Variants in CPEB3 observed in about 807,000 individuals in gnomAD.
CPEB3 encodes cytoplasmic polyadenylation element binding protein 3.
In CPEB3, 20 loss-of-function variants were observed where a neutral mutation model predicts 67.2. That is an observed-to-expected ratio of 0.30 (90% CI 0.21 to 0.43). CPEB3 has a LOEUF of 0.43. CPEB3 is among the 20% of genes least tolerant of loss of function. The pLI is 1.00. For synonymous variants in CPEB3, 376 were observed against 393.1 expected (o/e 0.96, Z 0.51); for missense variants, 746 against 968.6 (o/e 0.77, Z 3.05).
At position 92,078,515 on chromosome 10, in the gene CPEB3, G is replaced by C. The variant is rs532732803; in HGVS notation, c.1869+2805C>G. 9.3e-4 allele frequency among the ~76,000 whole-genome samples: 142 copies of C among 152,180 alleles called. 1 individual carries two copies. The highest frequency in any genetic ancestry group is 3.4e-3 in the Middle Eastern group (1 of 294). On this transcript the variant is annotated intron_variant, in intron 9 of 9. Coordinates refer to ENST00000265997, the MANE Select transcript of CPEB3 (RefSeq NM_014912.5). Reference sequence around the variant, plus strand: ...GACTTGACAGTGACTGATTGAAGCAGCAAAGGTTTAAATGTATTGGAATCT... The same window carrying C: ...GACTTGACAGTGACTGATTGAAGCACCAAAGGTTTAAATGTATTGGAATCT...
At chr10:92,245,433 G>C (rs1277723928) in intron 1 of CPEB3, among the ~76,000 whole-genome samples, 2 of 152,044 alleles carry the variant, frequency 1.3e-5, no homozygotes, top group Non-Finnish European at 2.9e-5. Flanking sequence ...ACCGTGCCTG[G>C]CCAAGAATCT....
At position 92,165,121 on chromosome 10, in the gene CPEB3, TAAA is replaced by T. The variant is rs547314067; in HGVS notation, c.1222+15839_1222+15841del. On this transcript the variant is annotated intron_variant, in intron 4 of 9. Coordinates refer to ENST00000265997, the MANE Select transcript of CPEB3 (RefSeq NM_014912.5). The stretch of plus-strand genomic sequence containing the variant: ...TTAAGTGCACAGTAGCATTATGTCT[TAAA>T]AAACAATATATATAACTTAATTTAA... 3.9e-3 allele frequency among the ~76,000 whole-genome samples: 601 copies of T among 152,170 alleles called. 2 individuals are homozygous for T. The highest frequency in any genetic ancestry group is 0.024 in the Middle Eastern group (7 of 294).
At chr10:92,220,161 A>C (rs1850623369) in intron 2 of CPEB3, among the ~76,000 whole-genome samples, 1 of 152,140 alleles carries the variant, frequency 6.6e-6, no homozygotes, top group Admixed American at 6.5e-5. Context: ...AAAAAAAAAA[A>C]TCAATCTCCC....
At chr10:92,215,361 C>T (rs1481723430) in intron 2 of CPEB3, among the ~76,000 whole-genome samples, 2 of 150,206 alleles carry the variant, frequency 1.3e-5, no homozygotes, top group Admixed American at 1.3e-4. Flanking sequence ...ACCATGTTGG[C>T]CAGGCTGGTC....
chr10:92,256,357 T>C lies in CPEB3; in HGVS notation c.-11-15996A>G, dbSNP rs565111742. 5.3e-5 allele frequency among the ~76,000 whole-genome samples: 8 copies of C among 152,228 alleles called. No homozygotes were observed. The South Asian group carries it at 1.2e-3, about 24-fold the overall frequency. On this transcript the variant is annotated intron_variant, in intron 1 of 9. Transcript: ENST00000265997. ...CCTTCCTAAAACTCTCCAATAACTTTTCCCTTGCCATGAGGATAAAATACA... is the reference window on the plus strand; with the variant it reads ...CCTTCCTAAAACTCTCCAATAACTTCTCCCTTGCCATGAGGATAAAATACA...
At chr10:92,163,881 ATTTGTT>A (rs1847613686) in intron 4 of CPEB3, among the ~76,000 whole-genome samples, 1 of 152,156 alleles carries the variant, frequency 6.6e-6, no homozygotes, top group South Asian at 2.1e-4. Flanking sequence ...CACATTAAGT[ATTTGTT>A]TTTATTTTTG....
At chr10:92,119,460 T>C (rs891260004) in intron 6 of CPEB3, among the ~76,000 whole-genome samples, 8 of 152,194 alleles carry the variant, frequency 5.3e-5, no homozygotes, top group African/African-American at 1.9e-4. Flanking sequence ...CTTTGATTTG[T>C]GCCAAAGGTC....
chr10:92,150,257 T>TC (rs200423844), intron 4 of CPEB3, among the ~76,000 whole-genome samples: 8 of 138,128 alleles, frequency 5.8e-5, no homozygotes, highest in Admixed American at 2.1e-4. Context: ...TCTCTCTCTC[T>TC]TTTTTTTTTT....
Position 92,102,118 on chromosome 10 carries a change from G to A in CPEB3, c.1572+8958C>T, listed in dbSNP as rs761252445. ...ACAAATAGGTCAGCCAGTTTCAGGA[G>A]TTTAGATGCTATCTATTATTCTCAA... On this transcript the variant is annotated intron_variant, in intron 7 of 9. Coordinates refer to ENST00000265997, the MANE Select transcript of CPEB3 (RefSeq NM_014912.5). 3.3e-5 allele frequency among the ~76,000 whole-genome samples: 5 copies of A among 152,094 alleles called. No individual in the cohort carries two copies. In the South Asian group the frequency reaches 6.2e-4, roughly 19 times the overall value.
chr10:92,148,194 T>C (rs1364933338), intron 4 of CPEB3, among the ~76,000 whole-genome samples: 2 of 152,150 alleles, frequency 1.3e-5, no homozygotes, highest in African/African-American at 4.8e-5. Context: ...AACATAACTG[T>C]GAACTGCAAG....
At chr10:92,189,724 T>C (rs1476138056) in intron 3 of CPEB3, among the ~76,000 whole-genome samples, 2 of 147,112 alleles carry the variant, frequency 1.4e-5, no homozygotes, top group Non-Finnish European at 3.0e-5. Context: ...TTTTTTTTTT[T>C]TGAGACAGAG....
chr10:92,220,032 C>G (rs1374065730), intron 2 of CPEB3, among the ~76,000 whole-genome samples: 1 of 152,088 alleles, frequency 6.6e-6, no homozygotes, highest in Admixed American at 6.6e-5. Flanking sequence ...GTGGCGCATG[C>G]CTGTCGTCCC....
At position 92,239,805 on chromosome 10, in the gene CPEB3, T is replaced by G; in HGVS notation, c.546A>C (p.Pro182=). 7.0e-7 allele frequency: 1 copy of G among 1,426,610 alleles called. No homozygotes were observed. Among genetic ancestry groups the G allele is most frequent in the Non-Finnish European group, 9.1e-7 (1 of 1,095,522 alleles). The allele number at this position is 1,426,610 out of a possible 1,614,324, so 88.4% of individuals were successfully genotyped here. The change falls in exon 2 of 10, where the codon CCA becomes CCC. Residue 182 remains proline, a synonymous_variant. Coordinates refer to ENST00000265997, the MANE Select transcript of CPEB3 (RefSeq NM_014912.5). This position sits in a 1 kb window ranked among gnomAD's most constrained non-coding sequence, Gnocchi z 6.0. ...APQPAQPAQP[P]QAQPPQQRRS... ...GGCGCTGCTGCGGGGGCTGCGCCTG[T>G]GGTGGCTGCGCTGGCTGTGCCGGCT...
chr10:92,108,178 A>T (rs749154923), intron 7 of CPEB3, among the ~76,000 whole-genome samples: 3 of 152,230 alleles, frequency 2.0e-5, no homozygotes, highest in Non-Finnish European at 4.4e-5. Context: ...AGAAAAAATG[A>T]AACAACAGAA....
intron 9 of CPEB3, among the ~76,000 whole-genome samples, chr10:92,064,149 A>G (rs1315716749): frequency 6.6e-6 from 1 of 152,222 alleles, no homozygotes; most frequent in Non-Finnish European, 1.5e-5. Context: ...GCAGGTCATA[A>G]GAAGGAAAAC....
intron 1 of CPEB3, among the ~76,000 whole-genome samples, chr10:92,278,494 T>A (rs1842098361): frequency 6.6e-6 from 1 of 152,186 alleles, no homozygotes; most frequent in Admixed American, 6.6e-5. Context: ...TAAATCAAAT[T>A]GTTTTCCTTT....
chr10:92,094,474 C>T (rs1046803382), intron 7 of CPEB3, among the ~76,000 whole-genome samples: 4 of 151,812 alleles, frequency 2.6e-5, no homozygotes, highest in African/African-American at 7.3e-5. Flanking sequence ...TGGTAGCGGG[C>T]GCCTGTGGTC....
intron 9 of CPEB3, among the ~76,000 whole-genome samples, chr10:92,063,014 G>C (rs1054142501): frequency 6.6e-6 from 1 of 152,210 alleles, no homozygotes; most frequent in Non-Finnish European, 1.5e-5. Flanking sequence ...TTACTGATGA[G>C]CTTGTAACCA....
chr10:92,249,241 T>A (rs1414107361), intron 1 of CPEB3, among the ~76,000 whole-genome samples: 1 of 152,090 alleles, frequency 6.6e-6, no homozygotes, highest in South Asian at 2.1e-4. Flanking sequence ...TAGCAGGGCA[T>A]GGTGGCACGT....
Sources: gnomAD v4.1 joint callset for allele counts (sites outside exome capture counted in the v4.1 genomes callset) on GRCh38, gnomAD v4.1.1 for gene constraint, Gnocchi (gnomAD v3.1) non-coding constraint, MANE v1.5 for transcripts, NCBI Gene and HGNC (gene_info 2026-07-23, HGNC 2026-07-21) for gene names.